LHX4: variants seen among roughly 807,000 people sequenced by gnomAD.
The protein encoded by LHX4 is LIM/homeobox protein Lhx4.
In LHX4, 16 loss-of-function variants were observed where a neutral mutation model predicts 39.2. The observed-to-expected ratio is 0.41, with a 90% confidence interval of 0.28 to 0.62. The LOEUF (loss-of-function observed/expected upper bound fraction) is 0.62. LHX4 is among the 20% of genes least tolerant of loss of function. The pLI, the probability that LHX4 is intolerant of heterozygous loss-of-function variation, is 0.33. For synonymous variants in LHX4, 206 were observed against 198.1 expected (o/e 1.04, Z -0.33); for missense variants, 439 against 511.9 (o/e 0.86, Z 1.37).
chr1:180,250,334 TGTGTGTGTGTGTGTGC>T (rs57885537), intron 2 of LHX4, among the ~76,000 whole-genome samples: 62,999 of 150,276 alleles, frequency 0.42, 13,862 homozygotes, highest in African/African-American at 0.55. Flanking sequence ...TGTGTGTGTG[TGTGTGTGTGTGTGTGC>T]GCGCGTGGGT....
At chr1:180,260,496 G>A (rs941172085) in intron 2 of LHX4, among the ~76,000 whole-genome samples, 22 of 151,890 alleles carry the variant, frequency 1.4e-4, no homozygotes, top group African/African-American at 4.1e-4. Flanking sequence ...AACAGCAGCA[G>A]GAGCTCAGGC....
rs200187045 is a variant in LHX4 at position 180,274,566 on chromosome 1, A to G, written c.1160A>G (p.His387Arg). 2.5e-6 allele frequency: 4 copies of G among 1,579,494 alleles called. No homozygotes were observed. Among genetic ancestry groups the G allele is most frequent in the Non-Finnish European group, 3.4e-6 (4 of 1,162,796 alleles). ...SPGSWLDEMD[H>R]PPF ...GGCTCTTGGCTCGATGAAATGGATCATCCTCCTTTTTAAACTTCTCTCCTC... is the reference window on the plus strand; with the variant it reads ...GGCTCTTGGCTCGATGAAATGGATCGTCCTCCTTTTTAAACTTCTCTCCTC... Residue 387 changes from histidine to arginine, a missense_variant, in exon 6 of 6, where the codon CAT (histidine) becomes CGT (arginine). By Grantham distance (29) the His-to-Arg change is conservative. Coordinates refer to ENST00000263726, the MANE Select transcript of LHX4 (RefSeq NM_033343.4).
rs1649192312 is a variant in LHX4 at position 180,278,699 on chromosome 1, G to A, written c.*4120G>A. The A allele has an allele frequency of 1.3e-5, 2 of 151,718 alleles. No homozygotes were observed. The highest frequency in any genetic ancestry group is 2.9e-5 in the Non-Finnish European group (2 of 67,992). The allele number at this position is 151,718 out of a possible 1,614,324, so 9.4% of individuals were successfully genotyped here. A position where few individuals can be genotyped will look rare whatever the true frequency, so the allele number is the denominator to read the frequency against. On this transcript the variant is annotated 3_prime_UTR_variant, in exon 6 of 6. Coordinates refer to ENST00000263726, the MANE Select transcript of LHX4 (RefSeq NM_033343.4). Reference sequence around the variant, plus strand: ...GGTTCAGGGCTGCGGGATTCCAGAAGTTGCTCTGAGCTTGCAATCAGACCT... The same window carrying A: ...GGTTCAGGGCTGCGGGATTCCAGAAATTGCTCTGAGCTTGCAATCAGACCT...
intron 2 of LHX4, among the ~76,000 whole-genome samples, chr1:180,256,212 C>T (rs1647848767): frequency 6.6e-6 from 1 of 152,238 alleles, no homozygotes; most frequent in African/African-American, 2.4e-5. Context: ...CCTCCTCAGC[C>T]CGTCTGGCTC....
intron 1 of LHX4, among the ~76,000 whole-genome samples, chr1:180,238,822 G>A (rs1424992343): frequency 6.6e-6 from 1 of 152,204 alleles, no homozygotes; most frequent in Non-Finnish European, 1.5e-5. Flanking sequence ...GTTCTTTAAT[G>A]ACAAAGAGCC....
In LHX4 at chr1:180,267,469, G is replaced by A. The variant is rs895230800; in HGVS notation, c.451+875G>A. On this transcript the variant is annotated intron_variant, in intron 3 of 5. Coordinates refer to ENST00000263726, the MANE Select transcript of LHX4 (RefSeq NM_033343.4). ...ACAACACATTCCCCATGCTCCCCTC[G>A]CAAAGCCAAGGTGGACACTTTTATT... Among the ~76,000 whole-genome samples the A allele has an allele frequency of 5.3e-5, 8 of 152,336 alleles. 1 individual carries two copies. The South Asian group carries it at 1.2e-3, about 24-fold the overall frequency.
chr1:180,258,204 A>G (rs752958401), intron 2 of LHX4, among the ~76,000 whole-genome samples: 2 of 152,184 alleles, frequency 1.3e-5, no homozygotes, highest in Non-Finnish European at 2.9e-5. Flanking sequence ...GGAGCAGGGA[A>G]GGAAGTGCTG....
intron 1 of LHX4, among the ~76,000 whole-genome samples, chr1:180,245,367 C>G (rs912937616): frequency 6.6e-6 from 1 of 152,344 alleles, no homozygotes; most frequent in East Asian, 1.9e-4. Flanking sequence ...CCAAGACCTT[C>G]CAGGGCCCTC....
chr1:180,264,381 A>ACACACACACACACACACACACACT (rs1648229239), intron 2 of LHX4, among the ~76,000 whole-genome samples: 1 of 25,500 alleles, frequency 3.9e-5, no homozygotes, highest in Non-Finnish European at 8.3e-5. Flanking sequence ...CACACATAAC[A>ACACACACACACACACACACACACT]CACACACACA....
chr1:180,229,518 G>C (rs1332833384), upstream of LHX4, among the ~76,000 whole-genome samples: 1 of 152,172 alleles, frequency 6.6e-6, no homozygotes, highest in Non-Finnish European at 1.5e-5. Context: ...CGCGCGTTCC[G>C]GGCCGAGTAC....
chr1:180,232,087 C>T lies in LHX4; in HGVS notation c.76+1482C>T, dbSNP rs1459330905. Among the ~76,000 whole-genome samples the T allele has an allele frequency of 6.6e-6, 1 of 152,212 alleles. No individual in the cohort carries two copies. The highest frequency in any genetic ancestry group is 6.5e-5 in the Admixed American group (1 of 15,284). On this transcript the variant is annotated intron_variant, in intron 1 of 5. Transcript: ENST00000263726. The surrounding 1 kb of genome is among the most constrained non-coding windows in gnomAD (Gnocchi z 5.4). ...GATTCACTACGCCCCACACCCCGCA[C>T]ACAGGCAGGGACAGAGTGGGTTCTC...
intron 2 of LHX4, among the ~76,000 whole-genome samples, chr1:180,252,795 G>A (rs964225792): frequency 6.6e-6 from 1 of 152,188 alleles, no homozygotes; most frequent in South Asian, 2.1e-4. Context: ...GGCATGTGGC[G>A]ATCCTGGTAA....
At chr1:180,231,135 G>T (rs968487508) in intron 1 of LHX4, among the ~76,000 whole-genome samples, 2 of 150,966 alleles carry the variant, frequency 1.3e-5, no homozygotes, top group South Asian at 4.2e-4. Context: ...GTCCCCAGCC[G>T]CTACTGCCCG....
intron 2 of LHX4, among the ~76,000 whole-genome samples, chr1:180,262,670 A>G (rs1346446134): frequency 2.0e-5 from 3 of 150,060 alleles, no homozygotes; most frequent in Non-Finnish European, 1.5e-5. Flanking sequence ...AACAAAGTTA[A>G]TACCAAACTT....
At chr1:180,230,085 C>G (rs1664137023), upstream of LHX4, among the ~76,000 whole-genome samples, 1 of 151,592 alleles carries the variant, frequency 6.6e-6, no homozygotes, top group Non-Finnish European at 1.5e-5. The surrounding 1 kb of genome is among the most constrained non-coding windows in gnomAD (Gnocchi z 5.8). Context: ...GGCTGCCCGC[C>G]GCCGGGTTGG....
At chr1:180,250,538 C>T (rs138327041) in intron 2 of LHX4, among the ~76,000 whole-genome samples, 3 of 152,180 alleles carry the variant, frequency 2.0e-5, no homozygotes, top group East Asian at 1.9e-4. Context: ...TCCGCTTGCC[C>T]GTCTCGGGGC....
At chr1:180,245,003 C>T (rs1378103956) in intron 1 of LHX4, among the ~76,000 whole-genome samples, 1 of 152,228 alleles carries the variant, frequency 6.6e-6, no homozygotes, top group Non-Finnish European at 1.5e-5. Flanking sequence ...TGCCCTGTGG[C>T]ACACAGCAGG....
chr1:180,268,369 T>A (rs1648424173), intron 3 of LHX4, among the ~76,000 whole-genome samples: 1 of 152,210 alleles, frequency 6.6e-6, no homozygotes, highest in Admixed American at 6.5e-5. Context: ...GAGAAACAGA[T>A]GTAGATTGGT....
At chr1:180,261,555 C>T (rs771444591) in intron 2 of LHX4, among the ~76,000 whole-genome samples, 107 of 152,092 alleles carry the variant, frequency 7.0e-4, no homozygotes, top group Admixed American at 2.8e-3. Flanking sequence ...CTCAGGAGGC[C>T]GAGGTGGGAA....
Sources: gnomAD v4.1 joint callset for allele counts (sites outside exome capture counted in the v4.1 genomes callset) on GRCh38, gnomAD v4.1.1 for gene constraint, Gnocchi (gnomAD v3.1) non-coding constraint, MANE v1.5 for transcripts, NCBI Gene and HGNC (gene_info 2026-07-23, HGNC 2026-07-21) for gene names.